The following RGS7 variants were observed in gnomAD, a reference collection of about 807,000 sequenced individuals.
RGS7 encodes the protein regulator of G-protein signaling 7.
RGS7 carries 27 observed loss-of-function variants against 81.1 expected under a neutral mutation model. The ratio of observed to expected loss-of-function variants is 0.33; its 90% confidence interval spans 0.25 to 0.46. RGS7 has a LOEUF of 0.46. Ranked by LOEUF, RGS7 falls within the 20% of genes least tolerant of loss-of-function variation. The pLI is 1.00. For synonymous variants in RGS7, 208 were observed against 207.7 expected, an observed-to-expected ratio of 1.00 and a Z score of -0.01; for missense variants, 396 against 607.4, an observed-to-expected ratio of 0.65 and a Z score of 3.66.
At chr1:241,077,516 C>T (rs2062868378) in intron 3 of RGS7, among the ~76,000 whole-genome samples, 1 of 152,142 alleles carries the variant, frequency 6.6e-6, no homozygotes, top group African/African-American at 2.4e-5. Context: ...CTCTGCTGTT[C>T]AGGGACAGTG....
At chr1:240,919,633 T>A (rs1188308686) in intron 6 of RGS7, 2 of 395,106 alleles carry the variant, frequency 5.1e-6, no homozygotes, top group Non-Finnish European at 9.5e-6. Context: ...AAATGAAAAG[T>A]CTCTCTTCTC....
chr1:240,935,735 A>C (rs925943250), intron 5 of RGS7, among the ~76,000 whole-genome samples: 1 of 152,220 alleles, frequency 6.6e-6, no homozygotes, highest in Non-Finnish European at 1.5e-5. Flanking sequence ...TCTGATTACT[A>C]TTCAGTCATT....
chr1:241,315,107 C>CTT (rs5782184), intron 2 of RGS7, among the ~76,000 whole-genome samples: 3,779 of 57,368 alleles, frequency 0.066, 835 homozygotes, highest in African/African-American at 0.12. Flanking sequence ...TCTTCTTCTT[C>CTT]TTTTTTTTTT....
chr1:240,965,671 C>T (rs1284272404), intron 4 of RGS7, among the ~76,000 whole-genome samples: 3 of 152,244 alleles, frequency 2.0e-5, no homozygotes, highest in African/African-American at 7.2e-5. Flanking sequence ...TGTTTGCTCC[C>T]GTTTCTCTTG....
At chr1:241,133,709 C>A (rs1327661612) in intron 2 of RGS7, among the ~76,000 whole-genome samples, 1 of 152,090 alleles carries the variant, frequency 6.6e-6, no homozygotes, top group Non-Finnish European at 1.5e-5. Context: ...TAGCAACAAG[C>A]AAATTTAGTT....
intron 3 of RGS7, among the ~76,000 whole-genome samples, chr1:241,068,760 G>C (rs2062246594): frequency 6.6e-6 from 1 of 152,166 alleles, no homozygotes; most frequent in Admixed American, 6.5e-5. Context: ...CTTAGACGTT[G>C]ATATAGTTTG....
At chr1:240,821,247 G>A (rs138733783) in intron 10 of RGS7, among the ~76,000 whole-genome samples, 2 of 152,310 alleles carry the variant, frequency 1.3e-5, no homozygotes, top group African/African-American at 4.8e-5. Context: ...GAGGTCAGGA[G>A]TTCGAGACCA....
At chr1:241,046,503 T>C (rs1236759033) in intron 3 of RGS7, among the ~76,000 whole-genome samples, 1 of 152,230 alleles carries the variant, frequency 6.6e-6, no homozygotes, top group African/African-American at 2.4e-5. Context: ...TTTGATATCA[T>C]TCAAGTGAAG....
At chr1:241,309,848 T>C (rs1456472344) in intron 2 of RGS7, among the ~76,000 whole-genome samples, 1 of 152,226 alleles carries the variant, frequency 6.6e-6, no homozygotes, top group Admixed American at 6.5e-5. Context: ...AACACACGCG[T>C]TGAAGTAGCA....
intron 3 of RGS7, among the ~76,000 whole-genome samples, chr1:241,064,261 C>T (rs1399377337): frequency 6.6e-6 from 1 of 150,976 alleles, no homozygotes; most frequent in Non-Finnish European, 1.5e-5. Context: ...CACAAGACAC[C>T]GATATTGAAA....
At position 241,257,606 on chromosome 1, in the gene RGS7, T is replaced by C. The variant is rs192482629; in HGVS notation, c.78+98093A>G. Among the ~76,000 whole-genome samples, 49 of 152,306 alleles carry C rather than the reference T, an allele frequency of 3.2e-4. 1 individual carries two copies. In the Middle Eastern group the frequency reaches 0.01, roughly 32 times the overall value. ...AAACAATACATTTCCCTTTGGGGAA[T>C]TAAATTCTGTCCAAAGTGTGAGTAA... On this transcript the variant is annotated intron_variant, in intron 2 of 18. Transcript: ENST00000440928.
intron 9 of RGS7, among the ~76,000 whole-genome samples, chr1:240,865,313 C>A (rs966749060): frequency 1.3e-5 from 2 of 152,092 alleles, no homozygotes; most frequent in Non-Finnish European, 2.9e-5. Context: ...TGGAAGTGTA[C>A]ACAATAGGAC....
intron 2 of RGS7, among the ~76,000 whole-genome samples, chr1:241,155,777 TG>T (rs2069081569): frequency 6.6e-6 from 1 of 152,086 alleles, no homozygotes; most frequent in Non-Finnish European, 1.5e-5. Flanking sequence ...ATTTTACAAC[TG>T]AACACTGGGT....
chr1:241,259,634 G>C (rs139702392), intron 2 of RGS7, among the ~76,000 whole-genome samples: 113 of 68,616 alleles, frequency 1.6e-3, no homozygotes, highest in Non-Finnish European at 2.8e-3. Flanking sequence ...TGGACAACAA[G>C]AGCGAAACTC....
intron 2 of RGS7, among the ~76,000 whole-genome samples, chr1:241,307,170 T>C (rs1424436590): frequency 1.3e-5 from 2 of 152,224 alleles, no homozygotes; most frequent in African/African-American, 4.8e-5. Context: ...TGCAATTTAC[T>C]GAATGAGTCA....
At chr1:241,259,667 A>AATATATATATATATATATAT (rs59037983) in intron 2 of RGS7, among the ~76,000 whole-genome samples, 20 of 48,962 alleles carry the variant, frequency 4.1e-4, no homozygotes, top group Admixed American at 1.2e-3. Context: ...AAAAAAAAAA[A>AATATATATATATATATATAT]ATATATATAT....
At chr1:241,274,204 A>C (rs143037782) in intron 2 of RGS7, among the ~76,000 whole-genome samples, 1 of 152,224 alleles carries the variant, frequency 6.6e-6, no homozygotes, top group Non-Finnish European at 1.5e-5. Context: ...CAGATAGAAA[A>C]GTTCCCACCA....
intron 2 of RGS7, among the ~76,000 whole-genome samples, chr1:241,249,580 AT>A (rs2076729650): frequency 6.6e-6 from 1 of 152,262 alleles, no homozygotes; most frequent in African/African-American, 2.4e-5. Context: ...AAATTTTATA[AT>A]CAATTTGTCA....
chr1:240,829,941 A>C (rs1693544173), intron 9 of RGS7, among the ~76,000 whole-genome samples: 1 of 152,188 alleles, frequency 6.6e-6, no homozygotes. Context: ...ACCTGGAGGC[A>C]AAGAAAGATA....
Sources: allele counts gnomAD v4.1 joint callset (sites outside exome capture counted in the v4.1 genomes callset), GRCh38; gene constraint gnomAD v4.1.1; transcripts MANE v1.5; gene names NCBI Gene and HGNC (gene_info 2026-07-23, HGNC 2026-07-21).